The following MAP4K4 variants were observed in gnomAD, a reference collection of about 807,000 sequenced individuals.
MAP4K4 encodes the protein HPK/GCK-like kinase HGK.
Under a neutral mutation model 189.6 loss-of-function variants are expected in MAP4K4, and 38 were observed. That is an observed-to-expected ratio of 0.20 (90% CI 0.15 to 0.26). MAP4K4 has a LOEUF of 0.26. Ranked by LOEUF, MAP4K4 falls within the 10% of genes least tolerant of loss-of-function variation. The pLI is 1.00. For missense variants in MAP4K4, 1,054 were observed against 1,726.9 expected (o/e 0.61, Z 6.91); for synonymous variants, 610 against 624.3 (o/e 0.98, Z 0.34).
At chr2:101,705,960 C>T (rs1001255882) in intron 2 of MAP4K4, among the ~76,000 whole-genome samples, 8 of 152,040 alleles carry the variant, frequency 5.3e-5, no homozygotes, top group Non-Finnish European at 1.5e-5. Context: ...TCAGATATGG[C>T]TAAATATGAA....
intron 2 of MAP4K4, among the ~76,000 whole-genome samples, chr2:101,771,746 TGAG>T (rs1183782548): frequency 6.6e-6 from 1 of 152,226 alleles, no homozygotes; most frequent in South Asian, 2.1e-4. Flanking sequence ...CTCATTTACA[TGAG>T]GAGTTGAGCT....
intron 2 of MAP4K4, among the ~76,000 whole-genome samples, chr2:101,756,603 G>A (rs2072937297): frequency 6.6e-6 from 1 of 152,080 alleles, no homozygotes; most frequent in African/African-American, 2.4e-5. Context: ...TGCTTATGCT[G>A]GAGTGCTGTG....
intron 2 of MAP4K4, among the ~76,000 whole-genome samples, chr2:101,771,532 T>G (rs1421099012): frequency 1.3e-5 from 2 of 152,232 alleles, no homozygotes; most frequent in African/African-American, 4.8e-5. Context: ...TGCTCAGTCT[T>G]CACTGAGATT....
chr2:101,706,917 C>T (rs537783498), intron 2 of MAP4K4, among the ~76,000 whole-genome samples: 1 of 152,132 alleles, frequency 6.6e-6, no homozygotes, highest in Non-Finnish European at 1.5e-5. Flanking sequence ...TAACTGCTTT[C>T]GATTTCTTTA....
chr2:101,704,567 ATT>A (rs57278834), intron 2 of MAP4K4, among the ~76,000 whole-genome samples: 7 of 23,392 alleles, frequency 3.0e-4, no homozygotes, highest in Admixed American at 6.0e-4. Context: ...ATATATATAT[ATT>A]TTTTTTTTTT....
intron 2 of MAP4K4, among the ~76,000 whole-genome samples, chr2:101,714,637 A>G (rs752913778): frequency 8.5e-5 from 13 of 152,222 alleles, no homozygotes; most frequent in Admixed American, 2.6e-4. Flanking sequence ...GCCAACTCTA[A>G]ATCAAAATGG....
At chr2:101,887,368 T>C in intron 30 of MAP4K4, 131 bp downstream of exon 30, 1 of 872,824 alleles carries the variant, frequency 1.1e-6, no homozygotes, top group Non-Finnish European at 1.7e-6. Flanking sequence ...AGTATTTAAA[T>C]GATACGCAAT....
chr2:101,864,114 T>C lies in MAP4K4; in HGVS notation c.2097+63T>C, dbSNP rs568177117. On this transcript the variant is annotated intron_variant, in intron 17 of 32. Coordinates refer to ENST00000324219, the Ensembl canonical transcript of MAP4K4. ...CTTTTTGTTATTTTTTTTTAAAGAT[T>C]ATTTATTTTAATTATGGGTATGCAA... 32 of 996,416 alleles carry C rather than the reference T, an allele frequency of 3.2e-5. No individual in the cohort carries two copies. The East Asian group carries it at 1.5e-3, about 47-fold the overall frequency. The allele number at this position is 996,416 out of a possible 1,614,324, so 61.7% of individuals were successfully genotyped here.
At chr2:101,774,523 T>G (rs529016400) in intron 2 of MAP4K4, among the ~76,000 whole-genome samples, 1 of 152,316 alleles carries the variant, frequency 6.6e-6, no homozygotes, top group South Asian at 2.1e-4. Context: ...TCTCTTCACT[T>G]TGTTGATTGT....
intron 2 of MAP4K4, among the ~76,000 whole-genome samples, chr2:101,717,118 A>G (rs1381844718): frequency 1.3e-5 from 2 of 152,202 alleles, no homozygotes; most frequent in Non-Finnish European, 2.9e-5. Flanking sequence ...TAAATAAGTC[A>G]TGAATTTAGC....
At chr2:101,719,415 G>A (rs1172443654) in intron 2 of MAP4K4, among the ~76,000 whole-genome samples, 5 of 152,158 alleles carry the variant, frequency 3.3e-5, no homozygotes, top group South Asian at 2.1e-4. Flanking sequence ...GTCAGAGGCC[G>A]GGACTGCCCC....
At chr2:101,891,836 G>A (rs2098571701) in exon 33 of MAP4K4, 1 of 152,066 alleles carries the variant, frequency 6.6e-6, no homozygotes, top group Non-Finnish European at 1.5e-5. Context: ...ACAGTTACTA[G>A]GATAACTTTT....
intron 2 of MAP4K4, among the ~76,000 whole-genome samples, chr2:101,759,064 C>T (rs2074396761): frequency 6.7e-6 from 1 of 150,040 alleles, no homozygotes; most frequent in Admixed American, 6.7e-5. Context: ...ACCCGGGAGG[C>T]GGAGCTTGCA....
chr2:101,893,403 C>G (rs1178823997), exon 33 of MAP4K4: 2 of 362,790 alleles, frequency 5.5e-6, no homozygotes, highest in East Asian at 1.5e-4. Flanking sequence ...TTAATCCTAC[C>G]TTTAAAGGGA....
At chr2:101,879,272 G>GTT (rs200445614) in intron 27 of MAP4K4, among the ~76,000 whole-genome samples, 94 of 125,614 alleles carry the variant, frequency 7.5e-4, no homozygotes, top group African/African-American at 1.3e-3. Context: ...CTACTTTTCT[G>GTT]TTTTTTTTTT....
intron 2 of MAP4K4, among the ~76,000 whole-genome samples, chr2:101,740,151 C>CTTTTTTTTT (rs71250687): frequency 2.3e-5 from 2 of 87,192 alleles, no homozygotes; most frequent in African/African-American, 1.9e-4. Context: ...TTTATATCAT[C>CTTTTTTTTT]TTTTTTTTTT....
chr2:101,882,512 C>T, intron 27 of MAP4K4, 39 bp from the exon 28 acceptor site: 1 of 1,475,820 alleles, frequency 6.8e-7, no homozygotes. Flanking sequence ...AGACCTACTT[C>T]TGGATATGCA....
intron 20 of MAP4K4, 136 bp downstream of exon 20, chr2:101,867,445 TA>T: frequency 1.6e-6 from 1 of 643,440 alleles, no homozygotes; most frequent in East Asian, 2.8e-5. Flanking sequence ...AGGAATGACC[TA>T]AACCCCAGAC....
chr2:101,864,035 A>G (rs2097749527), exon 17 of MAP4K4: 2 of 1,364,286 alleles, frequency 1.5e-6, no homozygotes, highest in East Asian at 9.1e-5. Flanking sequence ...TCAGACAGTG[A>G]CGAGGTGCCT....
Sources: allele counts gnomAD v4.1 joint callset (sites outside exome capture counted in the v4.1 genomes callset), GRCh38; gene constraint gnomAD v4.1.1; transcripts MANE v1.5; gene names NCBI Gene and HGNC (gene_info 2026-07-23, HGNC 2026-07-21).